MTX2: variants seen among roughly 807,000 people sequenced by gnomAD.
MTX2 encodes metaxin-2.
A neutral mutation model predicts 42.3 loss-of-function variants in MTX2; 35 were observed. That is an observed-to-expected ratio of 0.83 (90% CI 0.63 to 1.10). The LOEUF is 1.10. Among genes scored for constraint, MTX2 ranks in the 50% least tolerant of loss-of-function variants. MTX2 has a pLI of 0.00. For synonymous variants in MTX2, 119 were observed against 100.9 expected (o/e 1.18, Z -1.08); for missense variants, 307 against 304.1 (o/e 1.01, Z -0.07).
chr2:176,322,080 A>T (rs1684598289), intron 3 of MTX2, among the ~76,000 whole-genome samples: 1 of 152,100 alleles, frequency 6.6e-6, no homozygotes. Context: ...AGAGCAATGT[A>T]AGAATCAGAG....
chr2:176,331,144 T>C, intron 9 of MTX2, among the ~76,000 whole-genome samples: 1 of 151,312 alleles, frequency 6.6e-6, no homozygotes, highest in Non-Finnish European at 1.5e-5. Context: ...AATGAAAATA[T>C]TTGTAAAACA....
chr2:176,335,299 G>C (rs570827513), intron 9 of MTX2, among the ~76,000 whole-genome samples: 13 of 152,258 alleles, frequency 8.5e-5, no homozygotes, highest in African/African-American at 2.4e-4. Flanking sequence ...AACAAGGCCA[G>C]TTTGGGTTGT....
chr2:176,271,063 A>C (rs1403778269), intron 1 of MTX2, among the ~76,000 whole-genome samples: 2 of 152,180 alleles, frequency 1.3e-5, no homozygotes, highest in Non-Finnish European at 2.9e-5. Flanking sequence ...AAAATGATGA[A>C]TGTCTTTTAA....
At chr2:176,295,610 A>G (rs965526458) in intron 1 of MTX2, among the ~76,000 whole-genome samples, 21 of 152,258 alleles carry the variant, frequency 1.4e-4, no homozygotes, top group African/African-American at 3.1e-4. Flanking sequence ...CTCTAAATAC[A>G]AGTTTAATTT....
chr2:176,328,948 T>G (rs1255086298), intron 7 of MTX2, 36 bp downstream of exon 7: 1 of 1,561,828 alleles, frequency 6.4e-7, no homozygotes, highest in Admixed American at 1.7e-5. Context: ...TAATTAAAAT[T>G]TAATGAGAAA....
chr2:176,329,907 A>G (rs375772709), intron 8 of MTX2, among the ~76,000 whole-genome samples: 175 of 148,214 alleles, frequency 1.2e-3, no homozygotes, highest in African/African-American at 4.1e-3. Context: ...CTATCTGTCT[A>G]TCTGTCTATC....
At chr2:176,331,309 T>A (rs1684857847) in intron 9 of MTX2, among the ~76,000 whole-genome samples, 1 of 151,146 alleles carries the variant, frequency 6.6e-6, no homozygotes, top group Non-Finnish European at 1.5e-5. Flanking sequence ...TTTTAATATA[T>A]CAGAATCAGC....
intron 1 of MTX2, among the ~76,000 whole-genome samples, chr2:176,273,865 C>T (rs1038666013): frequency 1.3e-5 from 2 of 151,936 alleles, no homozygotes; most frequent in African/African-American, 4.8e-5. Flanking sequence ...CCATACACTG[C>T]AAGCCTCAGT....
chr2:176,331,545 TATG>T (rs1207973946), intron 9 of MTX2, among the ~76,000 whole-genome samples: 2 of 151,178 alleles, frequency 1.3e-5, no homozygotes, highest in African/African-American at 4.8e-5. Flanking sequence ...TAAAAATGGC[TATG>T]ATGATAGTTT....
intron 1 of MTX2, 54 bp downstream of exon 1, chr2:176,269,723 C>G: frequency 6.4e-7 from 1 of 1,553,928 alleles, no homozygotes; most frequent in Non-Finnish European, 8.7e-7. Context: ...CGGGGAGCCG[C>G]GTGGGGTACA....
At chr2:176,269,707 C>G in intron 1 of MTX2, 38 bp downstream of exon 1, 1 of 1,576,500 alleles carries the variant, frequency 6.3e-7, no homozygotes, top group Non-Finnish European at 8.6e-7. Context: ...GGTGGCGGCG[C>G]GGTCTCGGGG....
intron 3 of MTX2, among the ~76,000 whole-genome samples, chr2:176,310,112 C>T (rs895449307): frequency 6.6e-6 from 1 of 152,036 alleles, no homozygotes; most frequent in African/African-American, 2.4e-5. Flanking sequence ...TGGTGACAAA[C>T]TCTCTCAGCA....
At chr2:176,277,816 C>T (rs754273022) in intron 1 of MTX2, among the ~76,000 whole-genome samples, 4 of 151,778 alleles carry the variant, frequency 2.6e-5, no homozygotes, top group Non-Finnish European at 4.4e-5. Flanking sequence ...TTGGACCGAC[C>T]GTCACGTTTA....
intron 3 of MTX2, among the ~76,000 whole-genome samples, chr2:176,312,863 CAAAAAAAA>C (rs557475003): frequency 1.8e-5 from 1 of 56,054 alleles, no homozygotes; most frequent in Non-Finnish European, 4.0e-5. Flanking sequence ...AATGCCATCT[CAAAAAAAA>C]AAAAAAAAAA....
In MTX2 at chr2:176,297,834, A is replaced by G. The variant is rs202226984; in HGVS notation, c.89-15A>G. 128 of 1,528,496 alleles carry G rather than the reference A, an allele frequency of 8.4e-5. No individual in the cohort carries two copies. The highest frequency in any genetic ancestry group is 1.1e-4 in the Non-Finnish European group (124 of 1,129,290). The allele number at this position is 1,528,496 out of a possible 1,614,324, so 94.7% of individuals were successfully genotyped here. ...TCTACTTGGTTAACATTTATGCTTC[A>G]TTGTATTTCCACAGGGGAGCAAATT... On this transcript the variant is annotated splice_polypyrimidine_tract_variant and intron_variant, in intron 2 of 9. Transcript: ENST00000249442.
intron 1 of MTX2, among the ~76,000 whole-genome samples, chr2:176,290,066 G>A (rs1693294309): frequency 6.6e-6 from 1 of 152,062 alleles, no homozygotes; most frequent in Admixed American, 6.6e-5. Context: ...TATAGATAAA[G>A]GAGAAATTAG....
intron 3 of MTX2, among the ~76,000 whole-genome samples, chr2:176,309,763 CT>C (rs1231381337): frequency 2.0e-5 from 2 of 97,622 alleles, no homozygotes; most frequent in Admixed American, 1.3e-4. Context: ...CTTGGTAGAT[CT>C]TCCCCCATCC....
intron 4 of MTX2, among the ~76,000 whole-genome samples, chr2:176,326,097 G>A (rs1352422405): frequency 6.6e-6 from 1 of 151,682 alleles, no homozygotes; most frequent in Admixed American, 6.6e-5. Context: ...GCTATTTGGA[G>A]ATTATTTTGT....
chr2:176,307,267 A>T (rs1324231048), intron 3 of MTX2, among the ~76,000 whole-genome samples: 5 of 152,048 alleles, frequency 3.3e-5, no homozygotes, highest in African/African-American at 7.3e-5. Flanking sequence ...ATTGGTCTAT[A>T]TCTGTGTTTT....
Sources: gnomAD v4.1 joint callset for allele counts (sites outside exome capture counted in the v4.1 genomes callset) on GRCh38, gnomAD v4.1.1 for gene constraint, MANE v1.5 for transcripts, NCBI Gene and HGNC (gene_info 2026-07-23, HGNC 2026-07-21) for gene names.